The following PRKD1 variants were observed in gnomAD, a reference collection of about 807,000 sequenced individuals.
PRKD1 encodes protein kinase D1, also known as serine/threonine-protein kinase D1.
Under a neutral mutation model 95.9 loss-of-function variants are expected in PRKD1, and 63 were observed. The observed-to-expected ratio is 0.66, with a 90% CI of 0.54 to 0.81. The LOEUF (loss-of-function observed/expected upper bound fraction) is 0.81. PRKD1 is among the 30% of genes least tolerant of loss of function. The pLI is 0.00. For synonymous variants in PRKD1, 425 were observed against 423.1 expected, an observed-to-expected ratio of 1.00 and a Z score of -0.05; for missense variants, 1,048 against 1,165.3, an observed-to-expected ratio of 0.90 and a Z score of 1.47.
At chr14:29,626,389 GTCT>G in intron 12 of PRKD1, 92 bp downstream of exon 12, 1 of 976,606 alleles carries the variant, frequency 1.0e-6, no homozygotes, top group Non-Finnish European at 1.5e-6. Context: ...ATACACATAG[GTCT>G]TCTCTTCTAT....
intron 1 of PRKD1, among the ~76,000 whole-genome samples, chr14:29,893,401 T>G (rs761274026): frequency 1.1e-4 from 6 of 52,984 alleles, no homozygotes; most frequent in Non-Finnish European, 1.8e-4. Flanking sequence ...TAGAAAGAGG[T>G]TTTTTTTTGG....
At chr14:29,926,818 C>T (rs989514392) in intron 1 of PRKD1, among the ~76,000 whole-genome samples, 31 of 152,054 alleles carry the variant, frequency 2.0e-4, no homozygotes, top group Non-Finnish European at 2.2e-4. Flanking sequence ...AATTCCTTGT[C>T]TCCAGGTCAT....
chr14:29,688,623 A>C (rs986965671), intron 2 of PRKD1, among the ~76,000 whole-genome samples: 2 of 152,164 alleles, frequency 1.3e-5, no homozygotes, highest in African/African-American at 4.8e-5. Flanking sequence ...AATTAAGTCA[A>C]GATGGATTAA....
chr14:29,839,578 G>T (rs150663650), intron 1 of PRKD1, among the ~76,000 whole-genome samples: 5 of 152,054 alleles, frequency 3.3e-5, no homozygotes, highest in Admixed American at 2.6e-4. Context: ...CCCCAGTAGG[G>T]CTCTGTGTCT....
chr14:29,919,259 A>T (rs1566671709), intron 1 of PRKD1, among the ~76,000 whole-genome samples: 1 of 152,248 alleles, frequency 6.6e-6, no homozygotes, highest in African/African-American at 2.4e-5. Context: ...TAAGCCAAAT[A>T]AAACCTTTCA....
intron 1 of PRKD1, among the ~76,000 whole-genome samples, chr14:29,883,362 G>T (rs1382869705): frequency 6.6e-6 from 1 of 152,068 alleles, no homozygotes; most frequent in East Asian, 1.9e-4. Flanking sequence ...TTTCAATACA[G>T]AAAAATTTTT....
In PRKD1 at chr14:29,634,460, C is replaced by T. The variant is rs1434071220; in HGVS notation, c.1272G>A (p.Met424Ile). 6.2e-7 allele frequency: 1 copy of T among 1,614,122 alleles called. No homozygotes were observed. Among genetic ancestry groups the T allele is most frequent in the Non-Finnish European group, 8.5e-7 (1 of 1,179,982 alleles). The stretch of plus-strand genomic sequence containing the variant: ...TGTAGTGGACCATCCATCCTTCTTT[C>T]ATGACTGTGCTGCTTTTCCTCTTCG... ...KHTKRKSSTV[M>I]KEGWMVHYTS... Residue 424 changes from methionine (M) to isoleucine (I), a missense_variant, in exon 8 of 18, where the codon ATG (methionine) becomes ATA (isoleucine). Transcript: ENST00000331968.
chr14:29,771,900 T>A (rs1431305277), intron 1 of PRKD1, among the ~76,000 whole-genome samples: 1 of 152,266 alleles, frequency 6.6e-6, no homozygotes, highest in East Asian at 1.9e-4. Flanking sequence ...CAACTTGTAC[T>A]CTTTTCTTCC....
intron 1 of PRKD1, among the ~76,000 whole-genome samples, chr14:29,746,896 TTAATA>T (rs1429654886): frequency 2.0e-5 from 3 of 152,180 alleles, no homozygotes; most frequent in African/African-American, 4.8e-5. Context: ...CTAACAAATA[TTAATA>T]TATTTTATTA....
At chr14:29,799,020 T>C (rs1889923457) in intron 1 of PRKD1, among the ~76,000 whole-genome samples, 1 of 152,260 alleles carries the variant, frequency 6.6e-6, no homozygotes, top group Admixed American at 6.5e-5. Flanking sequence ...ATTTGGCAGC[T>C]GCTTAAGTCA....
intron 2 of PRKD1, among the ~76,000 whole-genome samples, chr14:29,697,579 T>C (rs1055342400): frequency 2.6e-5 from 4 of 152,196 alleles, no homozygotes; most frequent in Non-Finnish European, 4.4e-5. Context: ...ATTGCAAACA[T>C]CTATTTTATT....
At chr14:29,706,844 T>G (rs1447875010) in intron 2 of PRKD1, among the ~76,000 whole-genome samples, 1 of 152,132 alleles carries the variant, frequency 6.6e-6, no homozygotes, top group Non-Finnish European at 1.5e-5. Flanking sequence ...AAAAGTTGCC[T>G]CACCCAAATG....
intron 4 of PRKD1, among the ~76,000 whole-genome samples, chr14:29,653,345 C>A (rs1881629155): frequency 6.6e-6 from 1 of 151,960 alleles, no homozygotes; most frequent in Non-Finnish European, 1.5e-5. Flanking sequence ...GCATTTAATT[C>A]CAAGAAAAAA....
intron 1 of PRKD1, among the ~76,000 whole-genome samples, chr14:29,742,024 A>G (rs1887001333): frequency 6.6e-6 from 1 of 152,108 alleles, no homozygotes; most frequent in Non-Finnish European, 1.5e-5. Flanking sequence ...CAAGGACAAA[A>G]ATCTCATTTC....
intron 9 of PRKD1, 94 bp from the exon 10 acceptor site, chr14:29,631,115 C>A (rs1452446939): frequency 1.7e-6 from 2 of 1,158,632 alleles, no homozygotes; most frequent in African/African-American, 1.6e-5. Context: ...AATGACATCA[C>A]AAATAGCCAC....
At chr14:29,593,987 A>G (rs972188911) in intron 16 of PRKD1, 4 of 334,980 alleles carry the variant, frequency 1.2e-5, no homozygotes, top group African/African-American at 6.6e-5. Context: ...TAAAGAATGG[A>G]GACAAATTAT....
At chr14:29,629,698 T>C (rs2139107655) in intron 10 of PRKD1, among the ~76,000 whole-genome samples, 1 of 152,264 alleles carries the variant, frequency 6.6e-6, no homozygotes, top group Middle Eastern at 3.4e-3. Flanking sequence ...ATTTCTTCTT[T>C]AAAATTTATC....
chr14:29,836,152 G>A (rs185216619), intron 1 of PRKD1, among the ~76,000 whole-genome samples: 2 of 152,232 alleles, frequency 1.3e-5, no homozygotes, highest in Non-Finnish European at 1.5e-5. Context: ...AACAAAAAGA[G>A]GTCTGCTTGG....
At chr14:29,732,567 G>A (rs1462757378) in intron 1 of PRKD1, among the ~76,000 whole-genome samples, 1 of 152,038 alleles carries the variant, frequency 6.6e-6, no homozygotes, top group Admixed American at 6.6e-5. Flanking sequence ...ACTCTTCATG[G>A]ATTTGTATAG....
Sources: gnomAD v4.1 joint callset for allele counts (sites outside exome capture counted in the v4.1 genomes callset) on GRCh38, gnomAD v4.1.1 for gene constraint, MANE v1.5 for transcripts, NCBI Gene and HGNC (gene_info 2026-07-23, HGNC 2026-07-21) for gene names.